The following ARHGEF28 variants were observed in gnomAD, a reference collection of about 807,000 sequenced individuals.
The protein encoded by ARHGEF28 is Rho guanine nucleotide exchange factor 28.
Under a neutral mutation model 206.6 loss-of-function variants are expected in ARHGEF28, and 152 were observed. That is an observed-to-expected ratio of 0.74 (90% confidence interval 0.64 to 0.84). The LOEUF is 0.84. ARHGEF28 is among the 40% of genes least tolerant of loss of function. The pLI is 0.00. For synonymous variants in ARHGEF28, 763 were observed against 776.4 expected (o/e 0.98, Z 0.29); for missense variants, 2,028 against 2,073.2 (o/e 0.98, Z 0.42).
intron 17 of ARHGEF28, 59 bp from the exon 18 acceptor site, chr5:73,865,906 T>A (rs1759674083): frequency 2.4e-6 from 3 of 1,229,000 alleles, no homozygotes; most frequent in Non-Finnish European, 3.5e-6. Context: ...TATGTGGATA[T>A]TCTTATAGTC....
At chr5:73,630,805 A>C (rs1743322483) in intron 1 of ARHGEF28, among the ~76,000 whole-genome samples, 1 of 152,190 alleles carries the variant, frequency 6.6e-6, no homozygotes, top group Non-Finnish European at 1.5e-5. Context: ...AGTCTTGATG[A>C]ATTGAATGTG....
intron 2 of ARHGEF28, among the ~76,000 whole-genome samples, chr5:73,697,649 T>G (rs766272435): frequency 6.6e-5 from 10 of 152,196 alleles, no homozygotes; most frequent in Admixed American, 1.3e-4. Context: ...GACCTATTCA[T>G]GAGGTCTCTG....
At chr5:73,736,959 G>A (rs1750973415) in intron 2 of ARHGEF28, among the ~76,000 whole-genome samples, 1 of 152,148 alleles carries the variant, frequency 6.6e-6, no homozygotes. Flanking sequence ...TGCCTAAAGT[G>A]GCTGGGAATG....
intron 29 of ARHGEF28, among the ~76,000 whole-genome samples, chr5:73,895,437 A>G (rs1217238965): frequency 6.6e-6 from 1 of 152,126 alleles, no homozygotes. Flanking sequence ...CGAGTGGCTG[A>G]AGGTCTATAG....
At chr5:73,782,925 G>T (rs1339332807) in intron 7 of ARHGEF28, among the ~76,000 whole-genome samples, 2 of 152,054 alleles carry the variant, frequency 1.3e-5, no homozygotes, top group African/African-American at 4.8e-5. Flanking sequence ...ATATTACCTT[G>T]TTGCTTATTT....
intron 11 of ARHGEF28, 109 bp from the exon 12 acceptor site, chr5:73,846,159 T>G: frequency 1.0e-6 from 1 of 976,836 alleles, no homozygotes; most frequent in African/African-American, 1.6e-5. Flanking sequence ...TGAATACCTA[T>G]TGCACCCCCC....
At chr5:73,870,705 A>G (rs1432303791) in intron 21 of ARHGEF28, among the ~76,000 whole-genome samples, 1 of 152,174 alleles carries the variant, frequency 6.6e-6, no homozygotes, top group Non-Finnish European at 1.5e-5. Context: ...GCAGGGTTTG[A>G]CTACGTGCTG....
At chr5:73,813,435 A>T in intron 9 of ARHGEF28, 3 of 1,397,122 alleles carry the variant, frequency 2.1e-6, no homozygotes, top group Non-Finnish European at 2.8e-6. Context: ...CAAAACATTT[A>T]TTGCCTTTCC....
At chr5:73,927,294 A>G (rs1219265574) in intron 35 of ARHGEF28, among the ~76,000 whole-genome samples, 1 of 152,142 alleles carries the variant, frequency 6.6e-6, no homozygotes, top group Non-Finnish European at 1.5e-5. Flanking sequence ...GGAGGATCAC[A>G]TGAGCCTGGG....
chr5:73,673,894 G>C (rs929700307), intron 1 of ARHGEF28, among the ~76,000 whole-genome samples: 1 of 151,964 alleles, frequency 6.6e-6, no homozygotes, highest in African/African-American at 2.4e-5. Flanking sequence ...CATACTGTAG[G>C]CCGGGGCAGT....
chr5:73,632,271 G>A (rs1034466688), intron 1 of ARHGEF28, among the ~76,000 whole-genome samples: 1 of 152,164 alleles, frequency 6.6e-6, no homozygotes, highest in African/African-American at 2.4e-5. Flanking sequence ...AGATGTAAAT[G>A]GGAGACCTCA....
At chr5:73,697,003 C>G in intron 2 of ARHGEF28, among the ~76,000 whole-genome samples, 1 of 152,148 alleles carries the variant, frequency 6.6e-6, no homozygotes, top group Non-Finnish European at 1.5e-5. Context: ...TCATCATAAT[C>G]TTCAGTAAAT....
chr5:73,806,371 AC>A (rs1156650555), intron 9 of ARHGEF28, among the ~76,000 whole-genome samples: 1 of 34,244 alleles, frequency 2.9e-5, no homozygotes, highest in Non-Finnish European at 4.3e-5. Context: ...ATCTATATAT[AC>A]TATATATAGA....
At chr5:73,784,428 G>C (rs144734132) in intron 7 of ARHGEF28, among the ~76,000 whole-genome samples, 1,869 of 152,140 alleles carry the variant, frequency 0.012, 40 homozygotes, top group African/African-American at 0.043. Context: ...CAAATGAATG[G>C]CCAAAAAGTC....
In ARHGEF28 at chr5:73,873,223, A is replaced by C; in HGVS notation, c.2791A>C (p.Ile931Leu). 1 of 1,610,992 alleles carries C rather than the reference A, an allele frequency of 6.2e-7. No homozygotes were observed. Among genetic ancestry groups the C allele is most frequent in the Non-Finnish European group, 8.5e-7 (1 of 1,178,436 alleles). ...CGACAGGAATTTTGTGATCGACCGA[A>C]TTGGAGATATTTTGGTACAACAGGT... is the stretch of plus-strand genomic sequence containing the variant. ...GSDRNFVIDR[I>L]GDILVQQFSE... The change falls in exon 22 of 36, where the codon ATT becomes CTT. Residue 931 changes from isoleucine to leucine, a missense_variant. Physicochemically the swap from Ile to Leu is conservative, Grantham distance 5 (BLOSUM62 2). Around this residue, in one of 3 missense-constraint regions of ARHGEF28, gnomAD observed 223 missense variants for 289.9 expected, o/e 0.77. Coordinates refer to ENST00000513042, the MANE Select transcript of ARHGEF28 (RefSeq NM_001177693.2).
intron 2 of ARHGEF28, among the ~76,000 whole-genome samples, chr5:73,688,456 A>C (rs750582332): frequency 6.6e-6 from 1 of 152,204 alleles, no homozygotes; most frequent in African/African-American, 2.4e-5. Context: ...GATGATAGAC[A>C]TCTTTATACC....
At chr5:73,784,802 ATAAT>A (rs551296405) in intron 7 of ARHGEF28, among the ~76,000 whole-genome samples, 25 of 152,210 alleles carry the variant, frequency 1.6e-4, no homozygotes, top group South Asian at 6.2e-4. Flanking sequence ...GTTAACAATG[ATAAT>A]TAATAATAAA....
At position 73,749,856 on chromosome 5, in the gene ARHGEF28, C is replaced by T. The variant is rs780928597; in HGVS notation, c.53C>T (p.Ala18Val). ...APLYGQMMIY[A>V]KFDKNVYLPE... Reference sequence around the variant, plus strand: ...TTTCAGGGGCAGATGATGATCTATGCGAAGTTTGACAAAAATGTGTATCTT... The same window carrying T: ...TTTCAGGGGCAGATGATGATCTATGTGAAGTTTGACAAAAATGTGTATCTT... The change falls in exon 3 of 36, where the codon GCG (alanine) becomes GTG (valine). Residue 18 changes from alanine (A) to valine (V), a missense_variant. Ala to Val is a moderately conservative substitution (Grantham distance 64). Coordinates refer to ENST00000513042, the MANE Select transcript of ARHGEF28 (RefSeq NM_001177693.2). 37 of 1,613,746 alleles carry T rather than the reference C, an allele frequency of 2.3e-5. No individual in the cohort carries two copies. The highest frequency in any genetic ancestry group is 1.6e-4 in the Middle Eastern group (1 of 6,084).
intron 22 of ARHGEF28, among the ~76,000 whole-genome samples, chr5:73,876,330 T>G (rs1760484363): frequency 1.1e-5 from 1 of 89,618 alleles, no homozygotes; most frequent in Non-Finnish European, 2.2e-5. Flanking sequence ...GCTGAGACAA[T>G]GGGGTTTTCT....
Sources: gnomAD v4.1 joint callset for allele counts (sites outside exome capture counted in the v4.1 genomes callset) on GRCh38, gnomAD v4.1.1 for gene constraint, gnomAD v4.1.1 regional missense constraint, MANE v1.5 for transcripts, NCBI Gene and HGNC (gene_info 2026-07-23, HGNC 2026-07-21) for gene names.